MLPH: variants seen among roughly 807,000 people sequenced by gnomAD.
The protein encoded by MLPH is melanophilin.
MLPH carries 51 observed loss-of-function variants against 72.1 expected under a neutral mutation model. That is an observed-to-expected ratio of 0.71 (90% CI 0.56 to 0.89). The LOEUF is 0.89. Ranked by LOEUF, MLPH falls within the 40% of genes least tolerant of loss-of-function variation. The probability of loss-of-function intolerance (pLI) is 0.00; values close to 1 mark genes in which losing one functional copy is unlikely to be tolerated. For missense variants in MLPH, 743 were observed against 759.9 expected (o/e 0.98, Z 0.26); for synonymous variants, 301 against 310.1 (o/e 0.97, Z 0.31).
At chr2:237,519,091 T>TTTG (rs371522923) in intron 5 of MLPH, among the ~76,000 whole-genome samples, 18,176 of 148,486 alleles carry the variant, frequency 0.12, 1,284 homozygotes, top group Non-Finnish European at 0.16. Context: ...TTGTTTGTTT[T>TTTG]TTTTTGCCAA....
chr2:237,551,833 G>A (rs951536725), intron 14 of MLPH, among the ~76,000 whole-genome samples: 13 of 152,130 alleles, frequency 8.5e-5, no homozygotes, highest in African/African-American at 2.9e-4. Flanking sequence ...ACAAAAATTA[G>A]CCAGGCATGG....
rs117696399 is a variant in MLPH at position 237,538,522 on chromosome 2, C to T, written c.1105-1826C>T. Among the ~76,000 whole-genome samples, 624 of 152,310 alleles carry T rather than the reference C, an allele frequency of 4.1e-3. 22 individuals are homozygous for T. The East Asian group carries it at 0.085, about 21-fold the overall frequency. ...GGAGCTGCCCTCGAAGAATCGGCAG[C>T]AGTCCATGCTGGCGGCGTCGCTGTC... On this transcript the variant is annotated intron_variant, in intron 9 of 15. Coordinates refer to ENST00000264605, the MANE Select transcript of MLPH (RefSeq NM_024101.7).
In MLPH at chr2:237,541,496, C is replaced by T. The variant is rs1204700912; in HGVS notation, c.1446+539C>T. Among the ~76,000 whole-genome samples the T allele has an allele frequency of 6.6e-6, 1 of 152,214 alleles. No homozygotes were observed. The highest frequency in any genetic ancestry group is 2.4e-5 in the African/African-American group (1 of 41,466). ...CCTACAGAGAGGAGAGGGGGTGCCT[C>T]TCGGACTGTGAGGACAGCCAGCCCC... On this transcript the variant is annotated intron_variant, in intron 11 of 15. Transcript: ENST00000264605. This position sits in a 1 kb window ranked among gnomAD's most constrained non-coding sequence, Gnocchi z 5.1.
At position 237,510,489 on chromosome 2, in the gene MLPH, G is replaced by A. The variant is rs531072402; in HGVS notation, c.111-85G>A. On this transcript the variant is annotated intron_variant, in intron 2 of 15. Coordinates refer to ENST00000264605, the MANE Select transcript of MLPH (RefSeq NM_024101.7). The surrounding 1 kb of genome is among the most constrained non-coding windows in gnomAD (Gnocchi z 4.4). ...TGTGTGTATGTGTCTGTGTCTGTGTGTGTGTGTATGTACGTGTACACACTT... is the reference window on the plus strand; with the variant it reads ...TGTGTGTATGTGTCTGTGTCTGTGTATGTGTGTATGTACGTGTACACACTT... 8.6e-7 allele frequency: 1 copy of A among 1,167,694 alleles called. No homozygotes were observed. The highest frequency in any genetic ancestry group is 2.5e-5 in the East Asian group (1 of 40,358). 72.3% of individuals were successfully genotyped at this position (1,167,694 alleles called of 1,614,324 possible).
rs201982153 is a variant in MLPH, at chr2:237,541,224, TGCTG to T, written c.1446+268_1446+271del. The stretch of plus-strand genomic sequence containing the variant: ...GGCAGGGTTTCCACCAAGAAAAAGG[TGCTG>T]AACACACAATCCCTGACCCAGGATG... On this transcript the variant is annotated intron_variant, in intron 11 of 15. Transcript: ENST00000264605. The surrounding 1 kb of genome is among the most constrained non-coding windows in gnomAD (Gnocchi z 5.1). Among the ~76,000 whole-genome samples, 1,440 of 150,234 alleles carry T rather than the reference TGCTG, an allele frequency of 9.6e-3. 14 individuals are homozygous for T. Among genetic ancestry groups the T allele is most frequent in the African/African-American group, 0.032 (1,305 of 40,914 alleles).
At position 237,541,567 on chromosome 2, in the gene MLPH, TC is replaced by T. The variant is rs1016604263; in HGVS notation, c.1446+613del. Among the ~76,000 whole-genome samples, 2 of 152,146 alleles carry T rather than the reference TC, an allele frequency of 1.3e-5. No individual in the cohort carries two copies. Among genetic ancestry groups the T allele is most frequent in the African/African-American group, 2.4e-5 (1 of 41,436 alleles). ...CTTCTCATCAGCAGGTGCCTGTCAC[TC>T]CCTAAGGACAAAGGGCACGTCCCCT... On this transcript the variant is annotated intron_variant, in intron 11 of 15. Transcript: ENST00000264605. The surrounding 1 kb of genome is among the most constrained non-coding windows in gnomAD (Gnocchi z 5.1).
chr2:237,498,502 C>A (rs1245638033), intron 2 of MLPH, among the ~76,000 whole-genome samples: 1 of 152,178 alleles, frequency 6.6e-6, no homozygotes, highest in African/African-American at 2.4e-5. Context: ...GACCCTGAGA[C>A]CCCCATGAGC....
chr2:237,553,570 C>T lies in MLPH; in HGVS notation c.1781C>T (p.Pro594Leu). 1 of 1,614,148 alleles carries T rather than the reference C, an allele frequency of 6.2e-7. No homozygotes were observed. The highest frequency in any genetic ancestry group is 1.3e-5 in the African/African-American group (1 of 75,058). The change falls in exon 16 of 16, where the codon CCT (proline) becomes CTT (leucine). Residue 594 changes from proline to leucine, a missense_variant. Pro to Leu is a moderately conservative substitution (Grantham distance 98). Transcript: ENST00000264605. Reference sequence around the variant, plus strand: ...ATGTGTGTTTGTACTTTACAGAAACCTGTGGTGGCCCACCAGTCCTAACGG... The same window carrying T: ...ATGTGTGTTTGTACTTTACAGAAACTTGTGGTGGCCCACCAGTCCTAACGG... ...KGMASHTFAK[P>L]VVAHQS
intron 9 of MLPH, chr2:237,537,638 T>G (rs1271742913): frequency 6.6e-6 from 1 of 152,302 alleles, no homozygotes. Flanking sequence ...CCCCTTGGTG[T>G]TCGTCTGTGA....
At position 237,541,447 on chromosome 2, in the gene MLPH, G is replaced by C. The variant is rs569669924; in HGVS notation, c.1446+490G>C. ...CCCAGGGACAGCTGAGGTGACTTAG[G>C]CACTGCTCTGTCCTCCCTGGAGACC... On this transcript the variant is annotated intron_variant, in intron 11 of 15. Transcript: ENST00000264605. The surrounding 1 kb of genome is among the most constrained non-coding windows in gnomAD (Gnocchi z 5.1). 6.6e-6 allele frequency among the ~76,000 whole-genome samples: 1 copy of C among 152,288 alleles called. No homozygotes were observed. The highest frequency in any genetic ancestry group is 1.5e-5 in the Non-Finnish European group (1 of 68,010).
chr2:237,516,678 A>C (rs1473464868), intron 4 of MLPH, among the ~76,000 whole-genome samples: 1 of 152,224 alleles, frequency 6.6e-6, no homozygotes, highest in Non-Finnish European at 1.5e-5. Context: ...TGTAATTCAG[A>C]CCAGCTCTAA....
At chr2:237,548,590 C>T (rs542080058) in intron 13 of MLPH, among the ~76,000 whole-genome samples, 12 of 152,242 alleles carry the variant, frequency 7.9e-5, no homozygotes, top group Admixed American at 5.9e-4. Flanking sequence ...GTGAATTAGC[C>T]GGGCGCAGTG....
At chr2:237,490,533 A>G (rs1559329242) in intron 1 of MLPH, among the ~76,000 whole-genome samples, 3 of 152,164 alleles carry the variant, frequency 2.0e-5, no homozygotes, top group Admixed American at 6.5e-5. Context: ...TTCCTCACAC[A>G]TCATGATTTA....
chr2:237,538,985 C>T (rs2080602553), intron 9 of MLPH, among the ~76,000 whole-genome samples: 1 of 152,228 alleles, frequency 6.6e-6, no homozygotes, highest in Non-Finnish European at 1.5e-5. Flanking sequence ...TGCAGCCCCT[C>T]CTAAGGTCCC....
Position 237,510,940 on chromosome 2 carries a change from C to T in MLPH, c.333-49C>T, listed in dbSNP as rs1415741032. On this transcript the variant is annotated intron_variant, in intron 3 of 15. Coordinates refer to ENST00000264605, the MANE Select transcript of MLPH (RefSeq NM_024101.7). This position sits in a 1 kb window ranked among gnomAD's most constrained non-coding sequence, Gnocchi z 4.4. ...GTGTGTGTGTGAGATTTATGCAGGCCTGTGTACAGCACTCAGGCAGTGCCA... is the reference window on the plus strand; with the variant it reads ...GTGTGTGTGTGAGATTTATGCAGGCTTGTGTACAGCACTCAGGCAGTGCCA... 6 of 1,550,388 alleles carry T rather than the reference C, an allele frequency of 3.9e-6. No homozygotes were observed. The highest frequency in any genetic ancestry group is 4.4e-6 in the Non-Finnish European group (5 of 1,123,920).
intron 4 of MLPH, 56 bp downstream of exon 4, chr2:237,511,157 A>C: frequency 7.1e-7 from 1 of 1,404,998 alleles, no homozygotes; most frequent in Admixed American, 1.7e-5. Context: ...AGGAATATTA[A>C]AGCAGGTTCC....
At chr2:237,528,471 C>T (rs1161990233) in intron 8 of MLPH, among the ~76,000 whole-genome samples, 1 of 151,894 alleles carries the variant, frequency 6.6e-6, no homozygotes, top group African/African-American at 2.4e-5. Context: ...CCTCCTCAGC[C>T]TCCTGAGTAG....
At chr2:237,513,368 C>T (rs1052208564) in intron 4 of MLPH, among the ~76,000 whole-genome samples, 1 of 152,136 alleles carries the variant, frequency 6.6e-6, no homozygotes, top group Non-Finnish European at 1.5e-5. Flanking sequence ...CCCCCTACCC[C>T]CGTGCCTTCC....
Position 237,513,109 on chromosome 2 carries a change from A to G in MLPH, c.445+2008A>G, listed in dbSNP as rs527883321. 4.6e-5 allele frequency among the ~76,000 whole-genome samples: 7 copies of G among 152,182 alleles called. No homozygotes were observed. In the East Asian group the frequency reaches 1.2e-3, roughly 25 times the overall value. ...CTGGGAAAGCTGTGCCTTTAAAAAA[A>G]AAAAAAAAAAGGAGGGTAAAAAAGC... On this transcript the variant is annotated intron_variant, in intron 4 of 15. Transcript: ENST00000264605.
Sources: allele counts gnomAD v4.1 joint callset (sites outside exome capture counted in the v4.1 genomes callset), GRCh38; gene constraint gnomAD v4.1.1; non-coding constraint Gnocchi (gnomAD v3.1); transcripts MANE v1.5; gene names NCBI Gene and HGNC (gene_info 2026-07-23, HGNC 2026-07-21).